Variants in SPINK2 observed in about 807,000 individuals in gnomAD.
SPINK2 encodes serine protease inhibitor Kazal-type 2.
SPINK2 carries 8 observed loss-of-function variants against 13.5 expected under a neutral mutation model. The ratio of observed to expected loss-of-function variants is 0.59; its 90% CI spans 0.35 to 1.07. The LOEUF is 1.07. SPINK2 is among the 50% of genes least tolerant of loss of function. The probability of loss-of-function intolerance (pLI) is 0.02; values close to 1 mark genes in which losing one functional copy is unlikely to be tolerated. For synonymous variants in SPINK2, 76 were observed against 74.7 expected, an observed-to-expected ratio of 1.02 and a Z score of -0.09; for missense variants, 148 against 180.3, an observed-to-expected ratio of 0.82 and a Z score of 1.03.
chr4:56,813,294 G>T (rs758230742), intron 2 of SPINK2, among the ~76,000 whole-genome samples: 3 of 152,150 alleles, frequency 2.0e-5, no homozygotes, highest in African/African-American at 7.2e-5. Flanking sequence ...CTGCACTCCC[G>T]CCTAGACAAC....
intron 2 of SPINK2, among the ~76,000 whole-genome samples, chr4:56,814,866 C>T (rs1717299910): frequency 6.7e-6 from 1 of 149,352 alleles, no homozygotes; most frequent in African/African-American, 2.5e-5. Context: ...GAGGCTGAGG[C>T]AGGAGAATGG....
intron 2 of SPINK2, among the ~76,000 whole-genome samples, chr4:56,820,119 A>G (rs1314413641): frequency 6.6e-6 from 1 of 152,056 alleles, no homozygotes; most frequent in African/African-American, 2.4e-5. Flanking sequence ...TTTCCACTAT[A>G]GTTTTCCCAC....
intron 1 of SPINK2, among the ~76,000 whole-genome samples, chr4:56,820,892 T>G (rs1215155210): frequency 1.3e-5 from 2 of 152,204 alleles, no homozygotes; most frequent in Non-Finnish European, 2.9e-5. Context: ...GATATTCAGT[T>G]TTTTATGGCA....
chr4:56,811,938 T>TTTTC, intron 2 of SPINK2, 144 bp from the exon 3 acceptor site: 2 of 137,504 alleles, frequency 1.5e-5, no homozygotes, highest in Non-Finnish European at 1.5e-5. Context: ...AAATTTTTTC[T>TTTTC]TTTTTTTTTT....
chr4:56,821,761 GC>G, upstream of SPINK2: 1 of 1,271,052 alleles, frequency 7.9e-7, no homozygotes, highest in East Asian at 3.1e-5. Context: ...GGGGGAAGGG[GC>G]GGGGCGAGAA....
chr4:56,810,202 A>G lies in SPINK2; in HGVS notation c.360-18T>C. On this transcript the variant is annotated intron_variant, in intron 3 of 3. Transcript: ENST00000506738. ...CACCTTCCCTGCAAATTGAACAATC[A>G]TAGAAATACATTTATTACCTACCAT... 6.3e-7 allele frequency: 1 copy of G among 1,595,482 alleles called. No homozygotes were observed. The highest frequency in any genetic ancestry group is 8.6e-7 in the Non-Finnish European group (1 of 1,166,880).
intron 2 of SPINK2, chr4:56,818,099 T>A (rs1486947836): frequency 6.6e-6 from 1 of 152,150 alleles, no homozygotes; most frequent in East Asian, 1.9e-4. Flanking sequence ...GGAAAACCCA[T>A]TGAAAAGCCA....
At chr4:56,818,480 G>A (rs1717643761) in intron 2 of SPINK2, among the ~76,000 whole-genome samples, 1 of 152,132 alleles carries the variant, frequency 6.6e-6, no homozygotes. Context: ...CCAACATGGT[G>A]AAACACTGCC....
At chr4:56,815,878 A>C (rs1311712123) in intron 2 of SPINK2, among the ~76,000 whole-genome samples, 3 of 151,316 alleles carry the variant, frequency 2.0e-5, no homozygotes, top group Non-Finnish European at 2.9e-5. Context: ...CTGAGGTAGG[A>C]GGATGACTTG....
intron 1 of SPINK2, among the ~76,000 whole-genome samples, chr4:56,820,936 G>A (rs1029286917): frequency 2.0e-5 from 3 of 152,162 alleles, no homozygotes; most frequent in Non-Finnish European, 4.4e-5. Context: ...ATAACATTTG[G>A]TTCTGTTCCC....
intron 2 of SPINK2, among the ~76,000 whole-genome samples, chr4:56,819,614 C>CTTTTT (rs140670436): frequency 4.2e-5 from 4 of 96,058 alleles, no homozygotes; most frequent in Non-Finnish European, 4.0e-5. Context: ...ACTTTTTTTT[C>CTTTTT]TTTCTTTTTT....
intron 2 of SPINK2, among the ~76,000 whole-genome samples, chr4:56,814,960 CAAAAA>C (rs5858398): frequency 2.0e-5 from 2 of 102,548 alleles, no homozygotes; most frequent in African/African-American, 6.9e-5. Flanking sequence ...GACTCCGTCT[CAAAAA>C]AAAAAAAAAA....
chr4:56,820,408 A>G, intron 2 of SPINK2, 128 bp downstream of exon 2: 1 of 669,032 alleles, frequency 1.5e-6, no homozygotes, highest in Non-Finnish European at 2.6e-6. Context: ...CTGCCTGACA[A>G]CCTGGTTTTA....
At chr4:56,820,699 G>C (rs1328392711) in intron 1 of SPINK2, 120 bp from the exon 2 acceptor site, 1 of 753,610 alleles carries the variant, frequency 1.3e-6, no homozygotes, top group East Asian at 2.8e-5. Context: ...TTGACCTCCC[G>C]GGCTTAAGCG....
At chr4:56,821,086 C>A (rs1158295893) in intron 1 of SPINK2, among the ~76,000 whole-genome samples, 1 of 152,254 alleles carries the variant, frequency 6.6e-6, no homozygotes. Flanking sequence ...AGCCACTACA[C>A]CTGGCCAAGG....
At chr4:56,821,788 C>T (rs1425122764), upstream of SPINK2, 4 of 1,004,220 alleles carry the variant, frequency 4.0e-6, no homozygotes, top group African/African-American at 5.2e-5. Context: ...GGAAAAGCAG[C>T]GGTAGGTGGC....
At chr4:56,812,463 G>A (rs1717070395) in intron 2 of SPINK2, among the ~76,000 whole-genome samples, 1 of 146,852 alleles carries the variant, frequency 6.8e-6, no homozygotes, top group Non-Finnish European at 1.5e-5. Flanking sequence ...ACTGAGGCAG[G>A]AGAATCGAAT....
Position 56,809,911 on chromosome 4 carries a change from C to T in SPINK2, c.*228G>A. On this transcript the variant is annotated 3_prime_UTR_variant, in exon 4 of 4. Coordinates refer to ENST00000506738, the MANE Select transcript of SPINK2 (RefSeq NM_001271718.2). The stretch of plus-strand genomic sequence containing the variant: ...ACTAAATAAAGCAATGCACAAGTCA[C>T]CTGGGCAGTAAGCTTAACTCCAGGA... 1 of 1,160,080 alleles carries T rather than the reference C, an allele frequency of 8.6e-7. No individual in the cohort carries two copies. Among genetic ancestry groups the T allele is most frequent in the South Asian group, 1.7e-5 (1 of 57,394 alleles). The allele number at this position is 1,160,080 out of a possible 1,614,324, so 71.9% of individuals were successfully genotyped here.
At chr4:56,818,418 G>A (rs1717639638) in intron 2 of SPINK2, 1 of 152,134 alleles carries the variant, frequency 6.6e-6, no homozygotes, top group Non-Finnish European at 1.5e-5. Flanking sequence ...CAGCACTTTG[G>A]AAGGCCAAGG....
Sources: allele counts gnomAD v4.1 joint callset (sites outside exome capture counted in the v4.1 genomes callset), GRCh38; gene constraint gnomAD v4.1.1; transcripts MANE v1.5; gene names NCBI Gene and HGNC (gene_info 2026-07-23, HGNC 2026-07-21).